Variants in ICE1 observed in about 807,000 individuals in gnomAD.
ICE1 encodes little elongation complex subunit 1.
In ICE1, 64 loss-of-function variants were observed where a neutral mutation model predicts 192.7. That is an observed-to-expected ratio of 0.33 (90% CI 0.27 to 0.41). The LOEUF is 0.41. Among genes scored for constraint, ICE1 ranks in the 10% least tolerant of loss-of-function variants. The pLI is 1.00. For synonymous variants in ICE1, 1,010 were observed against 984.5 expected, an observed-to-expected ratio of 1.03 and a Z score of -0.49; for missense variants, 2,708 against 2,696.0, an observed-to-expected ratio of 1.00 and a Z score of -0.10.
chr5:5,431,457 T>C (rs761531057), intron 1 of ICE1, among the ~76,000 whole-genome samples: 54 of 152,286 alleles, frequency 3.5e-4, no homozygotes, highest in South Asian at 6.2e-4. Flanking sequence ...CGAAGGACCA[T>C]GTTCACATCT....
In ICE1 at chr5:5,448,238, A is replaced by T. The variant is rs1738299537; in HGVS notation, c.604+341A>T. Among the ~76,000 whole-genome samples the T allele has an allele frequency of 2.6e-5, 4 of 152,338 alleles. No individual in the cohort carries two copies. In the South Asian group the frequency reaches 8.3e-4, roughly 32 times the overall value. ...TTATTAAATTTCCTGGGTACCAAGTATATAAGAAAATGTTAAAGTCAGGCA... is the reference window on the plus strand; with the variant it reads ...TTATTAAATTTCCTGGGTACCAAGTTTATAAGAAAATGTTAAAGTCAGGCA... On this transcript the variant is annotated intron_variant, in intron 10 of 18. Coordinates refer to ENST00000296564, the MANE Select transcript of ICE1 (RefSeq NM_015325.3).
At chr5:5,469,324 A>AAT (rs1739086551) in intron 15 of ICE1, among the ~76,000 whole-genome samples, 1 of 152,204 alleles carries the variant, frequency 6.6e-6, no homozygotes, top group Non-Finnish European at 1.5e-5. Flanking sequence ...CTTAGGTAAA[A>AAT]ATATATATAT....
chr5:5,489,022 T>A (rs560969330), intron 18 of ICE1, 127 bp from the exon 19 acceptor site: 71 of 804,502 alleles, frequency 8.8e-5, no homozygotes, highest in Non-Finnish European at 1.3e-4. Context: ...TGGGTTTTTT[T>A]ATATTTAATT....
chr5:5,438,317 A>G (rs896324875), intron 3 of ICE1, among the ~76,000 whole-genome samples: 3 of 152,232 alleles, frequency 2.0e-5, no homozygotes, highest in African/African-American at 7.2e-5. Context: ...TTGGTTTACA[A>G]TTCAAGATGA....
At chr5:5,436,980 A>G (rs984606242) in intron 2 of ICE1, 100 bp from the exon 3 acceptor site, 34 of 727,276 alleles carry the variant, frequency 4.7e-5, no homozygotes, top group Middle Eastern at 3.8e-4. Flanking sequence ...CAGGAAATCT[A>G]GGAAGTCTAG....
chr5:5,481,339 G>A (rs959014050), intron 17 of ICE1, among the ~76,000 whole-genome samples: 3 of 152,096 alleles, frequency 2.0e-5, no homozygotes, highest in African/African-American at 7.2e-5. Flanking sequence ...GGTTAATCTG[G>A]AGAGGAAATA....
In ICE1 at chr5:5,461,737, C is replaced by T. The variant is rs751965914; in HGVS notation, c.2403C>T (p.Gly801=). ...ATAGTGATTTATTAAGGAAAGGTGG[C>T]GAAGAAAGTCTGAGAGCCAAATCAG... ...WHHSDLLRKG[G]EESLRAKSEH... is the part of the protein sequence containing the mutation. Residue 801 remains glycine (G), a synonymous_variant, in exon 13 of 19, where the codon GGC becomes GGT. Coordinates refer to ENST00000296564, the MANE Select transcript of ICE1 (RefSeq NM_015325.3). 2.4e-5 allele frequency: 39 copies of T among 1,613,474 alleles called. No homozygotes were observed. In the East Asian group the frequency reaches 5.8e-4, roughly 24 times the overall value.
intron 5 of ICE1, among the ~76,000 whole-genome samples, chr5:5,442,538 C>T (rs1354866073): frequency 6.6e-6 from 1 of 152,178 alleles, no homozygotes; most frequent in African/African-American, 2.4e-5. Flanking sequence ...TTAATGATAA[C>T]CCTCATTAGT....
rs61739221 is a variant in ICE1, at chr5:5,462,113, G to C, written c.2779G>C (p.Glu927Gln). 1.2e-6 allele frequency: 2 copies of C among 1,613,758 alleles called. No homozygotes were observed. Among genetic ancestry groups the C allele is most frequent in the African/African-American group, 1.3e-5 (1 of 74,942 alleles). Reference sequence around the variant, plus strand: ...GGCTGCTGTGAAAAGCATTTCACCAGAAGTTTCTGCCTCTAGGAGAAAATT... The same window carrying C: ...GGCTGCTGTGAAAAGCATTTCACCACAAGTTTCTGCCTCTAGGAGAAAATT... ...EVAAVKSISPEVSASRRKLDF... is the reference protein window; with the variant it reads ...EVAAVKSISPQVSASRRKLDF... Residue 927 changes from glutamate to glutamine, a missense_variant, in exon 13 of 19, where the codon GAA (glutamate) becomes CAA (glutamine). By Grantham distance (29) the Glu-to-Gln change is conservative. This residue lies in a region of ICE1 where 2,366 missense variants were observed against 2,276.6 expected (regional missense o/e 1.04). Coordinates refer to ENST00000296564, the MANE Select transcript of ICE1 (RefSeq NM_015325.3).
chr5:5,433,101 CTGTT>C (rs1199541638), intron 1 of ICE1, among the ~76,000 whole-genome samples: 9 of 152,168 alleles, frequency 5.9e-5, no homozygotes, highest in African/African-American at 1.7e-4. Flanking sequence ...AAGGACTACA[CTGTT>C]TGGAAGCCTA....
intron 1 of ICE1, among the ~76,000 whole-genome samples, chr5:5,427,341 T>A (rs1167340526): frequency 6.6e-6 from 1 of 152,168 alleles, no homozygotes; most frequent in Non-Finnish European, 1.5e-5. Flanking sequence ...AGTCATATTA[T>A]GTATTATGTA....
chr5:5,469,066 GT>G, intron 15 of ICE1, 78 bp downstream of exon 15: 1 of 1,030,546 alleles, frequency 9.7e-7, no homozygotes. Flanking sequence ...TGTGTATTTA[GT>G]TTTATATTAG....
chr5:5,438,611 G>A (rs1043924279), intron 3 of ICE1, among the ~76,000 whole-genome samples: 1 of 152,186 alleles, frequency 6.6e-6, no homozygotes, highest in Non-Finnish European at 1.5e-5. Flanking sequence ...TAGATGGGCA[G>A]TTCCAGTATT....
intron 3 of ICE1, among the ~76,000 whole-genome samples, chr5:5,439,491 G>C (rs532647596): frequency 6.6e-6 from 1 of 152,080 alleles, no homozygotes; most frequent in African/African-American, 2.4e-5. Context: ...TATGGTTTTT[G>C]TAAGTACATA....
At chr5:5,485,077 G>A (rs1235938489) in intron 17 of ICE1, among the ~76,000 whole-genome samples, 2 of 151,856 alleles carry the variant, frequency 1.3e-5, no homozygotes, top group Non-Finnish European at 2.9e-5. Flanking sequence ...AGCCTTTGGG[G>A]AATTTGGTTG....
At chr5:5,432,662 ACAT>A (rs1457101078) in intron 1 of ICE1, among the ~76,000 whole-genome samples, 1 of 152,206 alleles carries the variant, frequency 6.6e-6, no homozygotes, top group Non-Finnish European at 1.5e-5. Flanking sequence ...CAGTTTCTCC[ACAT>A]CATCATCAAC....
Position 5,462,018 on chromosome 5 carries a change from A to G in ICE1, c.2684A>G (p.Lys895Arg), listed in dbSNP as rs1738805145. The change falls in exon 13 of 19, where the codon AAA (lysine) becomes AGA (arginine). Residue 895 changes from lysine (K) to arginine (R), a missense_variant. Physicochemically the swap from Lys to Arg is conservative, Grantham distance 26 (BLOSUM62 2). This residue lies in a region of ICE1 where 2,366 missense variants were observed against 2,276.6 expected (regional missense o/e 1.04). Transcript: ENST00000296564. ...TTAGTAACAGAAAATAGTGGCAACA[A>G]AACCGGTATGTCAACTGTAGCAAAA... ...PTLVTENSGN[K>R]TGMSTVAKCD... 1 of 1,613,874 alleles carries G rather than the reference A, an allele frequency of 6.2e-7. No individual in the cohort carries two copies. Among genetic ancestry groups the G allele is most frequent in the Admixed American group, 1.7e-5 (1 of 60,012 alleles).
chr5:5,437,287 C>A (rs1737896587), intron 3 of ICE1, 173 bp downstream of exon 3: 2 of 495,738 alleles, frequency 4.0e-6, no homozygotes, highest in Non-Finnish European at 7.2e-6. Flanking sequence ...ATTCTTAATC[C>A]ATGTTTAATG....
intron 15 of ICE1, among the ~76,000 whole-genome samples, chr5:5,471,998 A>G (rs1202400282): frequency 6.6e-6 from 1 of 152,208 alleles, no homozygotes; most frequent in Non-Finnish European, 1.5e-5. Flanking sequence ...ATTTAAATTC[A>G]TGAGTCATGA....
Sources: gnomAD v4.1 joint callset for allele counts (sites outside exome capture counted in the v4.1 genomes callset) on GRCh38, gnomAD v4.1.1 for gene constraint, gnomAD v4.1.1 regional missense constraint, MANE v1.5 for transcripts, NCBI Gene and HGNC (gene_info 2026-07-23, HGNC 2026-07-21) for gene names.